Variants in IL18BP observed in about 807,000 individuals in gnomAD.
IL18BP encodes the protein interleukin-18-binding protein.
In IL18BP, 23 loss-of-function variants were observed where a neutral mutation model predicts 19.9. That is an observed-to-expected ratio of 1.15 (90% confidence interval 0.83 to 1.64). IL18BP has a LOEUF of 1.64. Among genes scored for constraint, IL18BP ranks in the 40% most tolerant of loss-of-function variants. IL18BP has a pLI of 0.00. For synonymous variants in IL18BP, 107 were observed against 101.0 expected (o/e 1.06, Z -0.35); for missense variants, 239 against 240.7 (o/e 0.99, Z 0.05).
At chr11:72,005,107 GAA>G, downstream of IL18BP, 1 of 1,132,014 alleles carries the variant, frequency 8.8e-7, no homozygotes, top group Non-Finnish European at 1.2e-6. Flanking sequence ...GGAAACATGA[GAA>G]GGTCACCCTC....
At position 72,000,574 on chromosome 11, in the gene IL18BP, TG is replaced by T. The variant is rs766646133; in HGVS notation, c.235+19del. 8 of 1,600,954 alleles carry T rather than the reference TG, an allele frequency of 5.0e-6. No homozygotes were observed. On this transcript the variant is annotated intron_variant, in intron 3 of 5. Coordinates refer to ENST00000393703, the MANE Select transcript of IL18BP (RefSeq NM_001039660.2). The stretch of plus-strand genomic sequence containing the variant: ...TGCCACTGAGTAAGAAGCACAGTGG[TG>T]GAGGGTGGGCTATGGGCACAGAGGT...
chr11:72,000,647 G>A, intron 3 of IL18BP, 90 bp downstream of exon 3: 1 of 1,102,110 alleles, frequency 9.1e-7, no homozygotes, highest in Non-Finnish European at 1.3e-6. Flanking sequence ...TTCTGCCCAT[G>A]TACCACCAGC....
chr11:72,006,303 G>A, downstream of IL18BP: 1 of 1,566,928 alleles, frequency 6.4e-7, no homozygotes, highest in Non-Finnish European at 8.8e-7. Context: ...TACAGTCCCT[G>A]GCACTGTACA....
downstream of IL18BP, chr11:72,007,549 G>C: frequency 7.6e-7 from 1 of 1,315,610 alleles, no homozygotes; most frequent in Non-Finnish European, 1.0e-6. Context: ...AGGTCAAGCA[G>C]CCCATCTCTC....
chr11:72,003,226 C>A, downstream of IL18BP: 1 of 466,716 alleles, frequency 2.1e-6, no homozygotes, highest in South Asian at 2.7e-5. Flanking sequence ...AAGGACCCAG[C>A]CATCAAAACC....
At chr11:72,004,895 A>G (rs531902104), downstream of IL18BP, 3 of 1,362,270 alleles carry the variant, frequency 2.2e-6, no homozygotes, top group African/African-American at 2.9e-5. Context: ...CCAGAACTCT[A>G]CACTCGCCCG....
chr11:72,003,727 TTC>T, downstream of IL18BP: 2 of 992,400 alleles, frequency 2.0e-6, no homozygotes, highest in Admixed American at 4.3e-5. Flanking sequence ...GCCATCTGTC[TTC>T]TCTCCTTGGA....
downstream of IL18BP, chr11:72,005,603 T>A: frequency 1.8e-6 from 1 of 544,182 alleles, no homozygotes; most frequent in Non-Finnish European, 3.2e-6. Flanking sequence ...CAGAGACTGC[T>A]ACTACATCTT....
At chr11:72,006,338 C>A (rs1955696826), downstream of IL18BP, 2 of 1,259,356 alleles carry the variant, frequency 1.6e-6, no homozygotes, top group Middle Eastern at 1.9e-4. Flanking sequence ...CCTTCCGAAG[C>A]CCTCAGATCC....
chr11:72,006,474 A>AT (rs1266217518), downstream of IL18BP, among the ~76,000 whole-genome samples: 2 of 152,084 alleles, frequency 1.3e-5, no homozygotes, highest in East Asian at 1.9e-4. Flanking sequence ...TCTTCTACGC[A>AT]TTTTTTTCAT....
Position 72,000,025 on chromosome 11 carries a change from G to T in IL18BP, c.28+13G>T, listed in dbSNP as rs372798220. ...AACTGGACACCAGGTAGGCCTTGGGGCTACGCATGGGCAGGCGGGGTAGGG... is the reference window on the plus strand; with the variant it reads ...AACTGGACACCAGGTAGGCCTTGGGTCTACGCATGGGCAGGCGGGGTAGGG... On this transcript the variant is annotated intron_variant, in intron 2 of 5. Transcript: ENST00000393703. 1.2e-6 allele frequency: 2 copies of T among 1,613,560 alleles called. No homozygotes were observed. The highest frequency in any genetic ancestry group is 2.7e-5 in the African/African-American group (2 of 74,928).
chr11:72,003,891 C>T, downstream of IL18BP: 1 of 1,613,652 alleles, frequency 6.2e-7, no homozygotes, highest in Non-Finnish European at 8.5e-7. Context: ...CTCTACCTTG[C>T]CCTTGGCTCG....
chr11:72,006,325 T>G, downstream of IL18BP: 4 of 1,434,242 alleles, frequency 2.8e-6, no homozygotes, highest in Non-Finnish European at 2.9e-6. Context: ...AAGCTTCCCA[T>G]TCCCTTCCGA....
chr11:72,004,901 G>T (rs924845184), downstream of IL18BP: 2 of 1,311,810 alleles, frequency 1.5e-6, no homozygotes, highest in East Asian at 5.0e-5. Context: ...CTCTACACTC[G>T]CCCGACACTT....
At chr11:72,004,523 A>G, downstream of IL18BP, 1 of 1,245,828 alleles carries the variant, frequency 8.0e-7, no homozygotes, top group Non-Finnish European at 1.1e-6. Flanking sequence ...GCCCTTGGAG[A>G]GAGGGAAAGA....
chr11:72,007,881 C>G (rs147212340), downstream of IL18BP: 2 of 351,276 alleles, frequency 5.7e-6, no homozygotes, highest in Non-Finnish European at 1.1e-5. Flanking sequence ...CCACACCCCA[C>G]TCCATGCTCA....
At position 72,001,979 on chromosome 11, in the gene IL18BP, T is replaced by C; in HGVS notation, c.*118T>C. On this transcript the variant is annotated 3_prime_UTR_variant, in exon 6 of 6. Transcript: ENST00000393703. ...CTGCGTGGATGCGCAACACACCCCCTCCTTCTCTGCTTTGGGTCCCTTCTC... is the reference window on the plus strand; with the variant it reads ...CTGCGTGGATGCGCAACACACCCCCCCCTTCTCTGCTTTGGGTCCCTTCTC... The C allele has an allele frequency of 1.4e-6, 2 of 1,437,586 alleles. No homozygotes were observed. The highest frequency in any genetic ancestry group is 2.6e-5 in the South Asian group (2 of 77,546). 89.1% of individuals were successfully genotyped at this position (1,437,586 alleles called of 1,614,324 possible).
chr11:72,007,694 C>G, downstream of IL18BP: 1 of 530,194 alleles, frequency 1.9e-6, no homozygotes, highest in East Asian at 3.4e-5. Flanking sequence ...ATGCCCATGG[C>G]TGCTTCACAG....
downstream of IL18BP, chr11:72,005,898 G>T: frequency 1.4e-6 from 1 of 728,376 alleles, no homozygotes; most frequent in Non-Finnish European, 2.3e-6. Context: ...GAGGCTGCAG[G>T]AAGGAGGGGC....
Sources: gnomAD v4.1 joint callset for allele counts (sites outside exome capture counted in the v4.1 genomes callset) on GRCh38, gnomAD v4.1.1 for gene constraint, MANE v1.5 for transcripts, NCBI Gene and HGNC (gene_info 2026-07-23, HGNC 2026-07-21) for gene names.